Variants in NOP14 observed in about 807,000 individuals in gnomAD.
NOP14 encodes nucleolar protein 14.
Under a neutral mutation model 101.6 loss-of-function variants are expected in NOP14, and 57 were observed. That is an observed-to-expected ratio of 0.56 (90% CI 0.45 to 0.70). The LOEUF is 0.70. Ranked by LOEUF, NOP14 falls within the 30% of genes least tolerant of loss-of-function variation. The pLI, the probability that NOP14 is intolerant of heterozygous loss-of-function variation, is 0.00. For synonymous variants in NOP14, 428 were observed against 424.0 expected, an observed-to-expected ratio of 1.01 and a Z score of -0.12; for missense variants, 1,134 against 1,075.5, an observed-to-expected ratio of 1.05 and a Z score of -0.76.
intron 14 of NOP14, 102 bp downstream of exon 14, chr4:2,942,090 G>A (rs752349717): frequency 1.1e-5 from 14 of 1,226,546 alleles, no homozygotes; most frequent in South Asian, 7.7e-5. Flanking sequence ...ACGGCCGGGC[G>A]GCAAGTTCAC....
At chr4:2,943,561 A>C (rs980286437) in intron 13 of NOP14, among the ~76,000 whole-genome samples, 5 of 152,238 alleles carry the variant, frequency 3.3e-5, no homozygotes, top group Non-Finnish European at 5.9e-5. Flanking sequence ...TCCTCATCCC[A>C]ACACTGCTCT....
In NOP14 at chr4:2,939,268, A is replaced by C. The variant is rs200605218; in HGVS notation, c.2394T>G (p.Arg798=). 1.9e-6 allele frequency: 3 copies of C among 1,613,858 alleles called. No individual in the cohort carries two copies. The highest frequency in any genetic ancestry group is 2.5e-6 in the Non-Finnish European group (3 of 1,179,998). ...ERKRLIHKHK[R]EFKGAVREIR... is the part of the protein sequence containing the mutation. ...TTTCTCGAACGGCCCCTTTAAATTC[A>C]CGCTTGTGTTTGTGGATCAGCCTCT... Residue 798 remains arginine, a synonymous_variant, in exon 17 of 18, where the codon CGT becomes CGG. Transcript: ENST00000416614.
Position 2,963,277 on chromosome 4 carries a change from C to T in NOP14, c.43G>A (p.Gly15Arg), listed in dbSNP as rs750810809. 3.1e-6 allele frequency: 5 copies of T among 1,592,164 alleles called. No homozygotes were observed. Among genetic ancestry groups the T allele is most frequent in the South Asian group, 1.1e-5 (1 of 89,398 alleles). Residue 15 changes from glycine (G) to arginine (R), a missense_variant, in exon 1 of 18, where the codon GGG becomes AGG. Transcript: ENST00000416614. ...CCCCCTCGCGCTCCCGCCGGCGCCCCGGAGGCCTTCCTTCGCGCCCCGACC... is the reference window on the plus strand; with the variant it reads ...CCCCCTCGCGCTCCCGCCGGCGCCCTGGAGGCCTTCCTTCGCGCCCCGACC... The part of the protein sequence containing the change: ...KKVGARRKAS[G>R]APAGARGGPA...
chr4:2,948,151 A>G (rs7665452), intron 9 of NOP14, 127 bp downstream of exon 9: 99,158 of 1,188,202 alleles, frequency 0.083, 4,716 homozygotes, highest in African/African-American at 0.17. Flanking sequence ...ATAGGTAACC[A>G]TGTGACGGGC....
At chr4:2,954,341 G>C in intron 4 of NOP14, 83 bp downstream of exon 4, 1 of 1,479,830 alleles carries the variant, frequency 6.8e-7, no homozygotes, top group Non-Finnish European at 9.2e-7. Context: ...AGCCTAAAAA[G>C]GTACAGGAAA....
At position 2,938,804 on chromosome 4, in the gene NOP14, T is replaced by C; in HGVS notation, c.*27A>G. ...ATTGCAGATGTGAGGTAATGTCCAG[T>C]TCCTTGCCTTATTTATAAAATGTAA... On this transcript the variant is annotated 3_prime_UTR_variant, in exon 18 of 18. Coordinates refer to ENST00000416614, the MANE Select transcript of NOP14 (RefSeq NM_001291978.2). The C allele has an allele frequency of 1.3e-6, 2 of 1,579,174 alleles. No homozygotes were observed. Among genetic ancestry groups the C allele is most frequent in the Non-Finnish European group, 1.7e-6 (2 of 1,149,266 alleles).
At chr4:2,946,624 C>A in intron 10 of NOP14, 77 bp from the exon 11 acceptor site, 1 of 1,382,940 alleles carries the variant, frequency 7.2e-7, no homozygotes, top group South Asian at 1.2e-5. Flanking sequence ...AGCCACTTTC[C>A]TATGCAGTCA....
chr4:2,945,469 G>C (rs571818907), intron 11 of NOP14, among the ~76,000 whole-genome samples: 33 of 152,302 alleles, frequency 2.2e-4, no homozygotes, highest in African/African-American at 7.2e-4. Flanking sequence ...AATGGTTATA[G>C]ACACGGGCTC....
chr4:2,940,210 CTTGGCTTCCAGAAGAG>C (rs1714051574), intron 15 of NOP14: 1 of 154,184 alleles, frequency 6.5e-6, no homozygotes, highest in Non-Finnish European at 1.4e-5. Context: ...TCACCAAGAC[CTTGGCTTCCAGAAGAG>C]TTGGCTGGTG....
At chr4:2,950,958 C>G in intron 7 of NOP14, 156 bp downstream of exon 7, 1 of 645,978 alleles carries the variant, frequency 1.5e-6, no homozygotes, top group Non-Finnish European at 2.6e-6. Context: ...GTTTTAATAT[C>G]TGATATACCA....
chr4:2,939,724 T>C, intron 15 of NOP14, 79 bp from the exon 16 acceptor site: 2 of 1,104,448 alleles, frequency 1.8e-6, no homozygotes, highest in Non-Finnish European at 2.8e-6. Flanking sequence ...TTCTGTGGTG[T>C]CAAGGCAGCG....
Position 2,959,558 on chromosome 4 carries a change from A to G in NOP14, c.196-1818T>C, listed in dbSNP as rs541603449. ...CAGTGAGCTGAGATTGTGCCACTGC[A>G]CTCCAGCCTGGGCGACAGACAAAGA... On this transcript the variant is annotated intron_variant, in intron 1 of 17. Coordinates refer to ENST00000416614, the MANE Select transcript of NOP14 (RefSeq NM_001291978.2). Among the ~76,000 whole-genome samples, 3 of 151,986 alleles carry G rather than the reference A, an allele frequency of 2.0e-5. No individual in the cohort carries two copies. In the South Asian group the frequency reaches 6.2e-4, roughly 31 times the overall value.
At chr4:2,961,907 G>A (rs1435972136) in intron 1 of NOP14, among the ~76,000 whole-genome samples, 1 of 152,228 alleles carries the variant, frequency 6.6e-6, no homozygotes, top group Admixed American at 6.5e-5. Context: ...GCAGGGAGGT[G>A]GATCTGCTCA....
At chr4:2,941,327 G>A (rs1560294294) in intron 15 of NOP14, 4 of 484,818 alleles carry the variant, frequency 8.3e-6, no homozygotes, top group African/African-American at 4.0e-5. Context: ...CCCTCCGTGC[G>A]GCCTCTTGGA....
rs747585074 is a variant in NOP14, at chr4:2,939,656, C to T, written c.2200-11G>A. On this transcript the variant is annotated splice_polypyrimidine_tract_variant and intron_variant, in intron 15 of 17. Coordinates refer to ENST00000416614, the MANE Select transcript of NOP14 (RefSeq NM_001291978.2). ...GCTCTGACACAGCTCCTGAAAAACA[C>T]GAAATCCCCGACTCTGCGATGACTC... is the stretch of plus-strand genomic sequence containing the variant. The T allele has an allele frequency of 1.1e-5, 18 of 1,597,970 alleles. No homozygotes were observed. The highest frequency in any genetic ancestry group is 7.7e-5 in the South Asian group (7 of 90,800).
At chr4:2,944,963 C>A (rs1365860850) in intron 12 of NOP14, among the ~76,000 whole-genome samples, 165 bp downstream of exon 12, 3 of 152,232 alleles carry the variant, frequency 2.0e-5, no homozygotes, top group Non-Finnish European at 4.4e-5. Flanking sequence ...TGGGGCTGCT[C>A]GAGCCGGGGC....
intron 7 of NOP14, 83 bp downstream of exon 7, chr4:2,951,031 A>G (rs1714993016): frequency 7.7e-7 from 1 of 1,304,118 alleles, no homozygotes; most frequent in East Asian, 2.3e-5. Context: ...CCCAACTGTA[A>G]TAAATCCCTA....
At chr4:2,950,453 G>A (rs1714950700) in intron 7 of NOP14, 1 of 563,452 alleles carries the variant, frequency 1.8e-6, no homozygotes, top group Middle Eastern at 4.8e-4. Context: ...GCTGGGCGCG[G>A]TTCAGCTTTT....
chr4:2,960,022 T>C (rs1577853776), intron 1 of NOP14, among the ~76,000 whole-genome samples: 1 of 150,276 alleles, frequency 6.7e-6, no homozygotes, highest in African/African-American at 2.5e-5. Context: ...CAGGCTGGAG[T>C]GCAGTGGCAC....
Sources: allele counts gnomAD v4.1 joint callset (sites outside exome capture counted in the v4.1 genomes callset), GRCh38; gene constraint gnomAD v4.1.1; transcripts MANE v1.5; gene names NCBI Gene and HGNC (gene_info 2026-07-23, HGNC 2026-07-21).